ADGRB3: variants seen among roughly 807,000 people sequenced by gnomAD.
The protein encoded by ADGRB3 is brain-specific angiogenesis inhibitor 3.
Under a neutral mutation model 193.4 loss-of-function variants are expected in ADGRB3, and 37 were observed. That is an observed-to-expected ratio of 0.19 (90% CI 0.15 to 0.25). ADGRB3 has a LOEUF of 0.25. Among genes scored for constraint, ADGRB3 ranks in the 10% least tolerant of loss-of-function variants. ADGRB3 has a pLI of 1.00. For missense variants in ADGRB3, 1,637 were observed against 1,852.9 expected (o/e 0.88, Z 2.14); for synonymous variants, 690 against 644.2 (o/e 1.07, Z -1.08).
At chr6:68,679,165 C>CA (rs535614813) in intron 3 of ADGRB3, among the ~76,000 whole-genome samples, 69 of 151,770 alleles carry the variant, frequency 4.5e-4, no homozygotes, top group African/African-American at 1.6e-3. Context: ...CAAGTCTAGA[C>CA]AAAAAAAATC....
chr6:69,091,841 T>C (rs781588309), intron 17 of ADGRB3, among the ~76,000 whole-genome samples: 2 of 152,174 alleles, frequency 1.3e-5, no homozygotes, highest in Admixed American at 6.5e-5. Context: ...GTCTATTAAT[T>C]TTAAATAAAA....
At chr6:68,990,012 T>C (rs901540077) in intron 10 of ADGRB3, among the ~76,000 whole-genome samples, 6 of 151,868 alleles carry the variant, frequency 4.0e-5, no homozygotes, top group African/African-American at 1.2e-4. Flanking sequence ...GAAATAACCA[T>C]AGAATTAAAC....
intron 11 of ADGRB3, among the ~76,000 whole-genome samples, chr6:69,006,107 A>T (rs780278231): frequency 8.5e-4 from 129 of 151,072 alleles, no homozygotes; most frequent in Non-Finnish European, 1.6e-3. Context: ...ATTACTTACT[A>T]TTTTTTTTTA....
chr6:68,800,555 C>A (rs922558140), intron 3 of ADGRB3, among the ~76,000 whole-genome samples: 1 of 151,934 alleles, frequency 6.6e-6, no homozygotes, highest in Non-Finnish European at 1.5e-5. Context: ...ATATTCAGGA[C>A]AAGGAGGTCA....
chr6:69,343,831 A>G (rs911964758), intron 26 of ADGRB3, among the ~76,000 whole-genome samples: 3 of 152,232 alleles, frequency 2.0e-5, no homozygotes, highest in African/African-American at 7.2e-5. Context: ...AACAGCTAAT[A>G]AGACAGAATT....
intron 3 of ADGRB3, among the ~76,000 whole-genome samples, chr6:68,893,460 C>G (rs1470615180): frequency 2.0e-5 from 3 of 149,720 alleles, no homozygotes; most frequent in African/African-American, 7.3e-5. Context: ...TTTTCCTTAG[C>G]ATTCAAAATG....
At chr6:68,862,542 G>A (rs909088022) in intron 3 of ADGRB3, among the ~76,000 whole-genome samples, 2 of 152,178 alleles carry the variant, frequency 1.3e-5, no homozygotes, top group African/African-American at 4.8e-5. Flanking sequence ...CAGAGTTGGG[G>A]TCAGGGGGAC....
At chr6:69,221,227 T>A (rs1765886920) in intron 17 of ADGRB3, among the ~76,000 whole-genome samples, 1 of 152,188 alleles carries the variant, frequency 6.6e-6, no homozygotes, top group Non-Finnish European at 1.5e-5. Flanking sequence ...TATCTACCCA[T>A]ACGTTCATAA....
intron 17 of ADGRB3, among the ~76,000 whole-genome samples, chr6:69,135,998 C>G (rs1232659737): frequency 1.3e-5 from 2 of 151,898 alleles, no homozygotes; most frequent in Non-Finnish European, 2.9e-5. Context: ...TCTCAGGAAC[C>G]AAAATTAAAT....
chr6:68,723,181 G>A (rs1342411423), intron 3 of ADGRB3, among the ~76,000 whole-genome samples: 1 of 151,734 alleles, frequency 6.6e-6, no homozygotes, highest in Non-Finnish European at 1.5e-5. Flanking sequence ...ATATGAAGAT[G>A]TGACTTGTAA....
intron 11 of ADGRB3, among the ~76,000 whole-genome samples, chr6:69,005,290 T>C (rs891983894): frequency 6.6e-6 from 1 of 151,482 alleles, no homozygotes; most frequent in Admixed American, 6.6e-5. Flanking sequence ...TCCCATCTAG[T>C]ATACCTCACA....
Position 68,771,045 on chromosome 6 carries a change from T to C in ADGRB3, c.757+131613T>C, listed in dbSNP as rs112582171. Among the ~76,000 whole-genome samples, 1,418 of 152,264 alleles carry C rather than the reference T, an allele frequency of 9.3e-3. 23 individuals are homozygous for C. Among genetic ancestry groups the C allele is most frequent in the African/African-American group, 0.033 (1,361 of 41,554 alleles). ...GTTGGTAAATGCAATTTCTTTCTCTTAGTTCATGAATCCTATGTGAAGGTT... is the reference window on the plus strand; with the variant it reads ...GTTGGTAAATGCAATTTCTTTCTCTCAGTTCATGAATCCTATGTGAAGGTT... On this transcript the variant is annotated intron_variant, in intron 3 of 31. Transcript: ENST00000370598.
At chr6:68,963,989 A>G (rs1247859756) in intron 8 of ADGRB3, among the ~76,000 whole-genome samples, 1 of 152,164 alleles carries the variant, frequency 6.6e-6, no homozygotes, top group Non-Finnish European at 1.5e-5. Context: ...TTCATATGAT[A>G]AAAGCTATAA....
intron 10 of ADGRB3, among the ~76,000 whole-genome samples, chr6:68,984,604 G>C (rs1769017406): frequency 6.6e-6 from 1 of 151,592 alleles, no homozygotes; most frequent in South Asian, 2.1e-4. Flanking sequence ...GATGTGTAAG[G>C]CCAAAAAAGG....
At chr6:69,377,356 C>A (rs1024190415) in intron 30 of ADGRB3, among the ~76,000 whole-genome samples, 5 of 152,096 alleles carry the variant, frequency 3.3e-5, no homozygotes, top group Middle Eastern at 3.4e-3. Flanking sequence ...TTATTCTCCT[C>A]CAAAGTAAGT....
At chr6:69,008,482 T>C (rs1769839220) in intron 11 of ADGRB3, among the ~76,000 whole-genome samples, 1 of 152,302 alleles carries the variant, frequency 6.6e-6, no homozygotes, top group Middle Eastern at 3.4e-3. Context: ...GTGATGCCCT[T>C]TCTTCATTCT....
intron 3 of ADGRB3, among the ~76,000 whole-genome samples, chr6:68,800,647 A>C (rs1233599839): frequency 2.0e-5 from 3 of 152,192 alleles, no homozygotes; most frequent in Non-Finnish European, 4.4e-5. Context: ...AAATGGTAAT[A>C]GAAAGAGGGT....
intron 17 of ADGRB3, among the ~76,000 whole-genome samples, chr6:69,109,792 T>G (rs1235415666): frequency 6.6e-6 from 1 of 152,304 alleles, no homozygotes; most frequent in African/African-American, 2.4e-5. Context: ...GTGGGCTTAG[T>G]GTAGCAAGTC....
chr6:68,908,858 C>T (rs1040156093), intron 3 of ADGRB3, among the ~76,000 whole-genome samples: 7 of 152,168 alleles, frequency 4.6e-5, no homozygotes, highest in Non-Finnish European at 1.0e-4. Flanking sequence ...AGCATCTCCT[C>T]TCTTCCGTAT....
Sources: allele counts gnomAD v4.1 joint callset (sites outside exome capture counted in the v4.1 genomes callset), GRCh38; gene constraint gnomAD v4.1.1; transcripts MANE v1.5; gene names NCBI Gene and HGNC (gene_info 2026-07-23, HGNC 2026-07-21).